Variants in ITIH5 observed in about 807,000 individuals in gnomAD.
The protein encoded by ITIH5 is inter-alpha-trypsin inhibitor heavy chain 5, also known as inter-alpha-trypsin inhibitor heavy chain H5.
ITIH5 carries 65 observed loss-of-function variants against 77.5 expected under a neutral mutation model. That is an observed-to-expected ratio of 0.84 (90% CI 0.69 to 1.03). The LOEUF is 1.03. Among genes scored for constraint, ITIH5 ranks in the 50% least tolerant of loss-of-function variants. The probability of loss-of-function intolerance (pLI) is 0.00; values close to 1 mark genes in which losing one functional copy is unlikely to be tolerated. For missense variants in ITIH5, 1,208 were observed against 1,213.1 expected, an observed-to-expected ratio of 1.00 and a Z score of 0.06; for synonymous variants, 525 against 494.3, an observed-to-expected ratio of 1.06 and a Z score of -0.82.
At chr10:7,634,131 C>T (rs2131068547) in intron 5 of ITIH5, among the ~76,000 whole-genome samples, 1 of 142,092 alleles carries the variant, frequency 7.0e-6, no homozygotes, top group African/African-American at 2.6e-5. Context: ...AGAAAGAAAA[C>T]GGGTCCATGG....
chr10:7,605,424 A>G lies in ITIH5; in HGVS notation c.939+10558T>C, dbSNP rs150999706. Among the ~76,000 whole-genome samples, 943 of 151,746 alleles carry G rather than the reference A, an allele frequency of 6.2e-3. 11 individuals are homozygous for G. Among genetic ancestry groups the G allele is most frequent in the African/African-American group, 0.022 (897 of 41,358 alleles). ...AACTACTGGCCCTTACATATGCCCT[A>G]TTACACAGAGCACTCCCTATATAAT... On this transcript the variant is annotated intron_variant, in intron 7 of 13. Coordinates refer to ENST00000397146, the MANE Select transcript of ITIH5 (RefSeq NM_030569.7).
In ITIH5 at chr10:7,666,821, C is replaced by T. The variant is rs1834370461; in HGVS notation, c.72G>A (p.Trp24Ter). The T allele has an allele frequency of 6.2e-7, 1 of 1,608,768 alleles. No homozygotes were observed. Among genetic ancestry groups the T allele is most frequent in the Non-Finnish European group, 8.5e-7 (1 of 1,178,188 alleles). The change falls in exon 1 of 14, where the codon TGG becomes TGA. Residue 24 changes from tryptophan to a stop codon, truncating the protein, a stop_gained. Coordinates refer to ENST00000397146, the MANE Select transcript of ITIH5 (RefSeq NM_030569.7). LOFTEE classifies it high-confidence loss of function. Reference protein sequence around the residue: ...CVGSQEEAQSWGHSSEQDGLR... With the variant: ...CVGSQEEAQS ...CACTTACCTGCTCCGAAGAGTGGCC[C>T]CAGCTCTGCGCCTCTTCCTGCGACC...
intron 5 of ITIH5, 28 bp from the exon 6 acceptor site, chr10:7,617,310 T>C: frequency 9.3e-7 from 1 of 1,076,436 alleles, no homozygotes; most frequent in Non-Finnish European, 1.2e-6. Flanking sequence ...ACATAATTAA[T>C]AACTTAATAT....
intron 2 of ITIH5, among the ~76,000 whole-genome samples, chr10:7,644,608 T>G (rs1412991103): frequency 1.6e-5 from 2 of 121,424 alleles, no homozygotes; most frequent in Non-Finnish European, 3.4e-5. Flanking sequence ...ACATATCACA[T>G]ATATCACATA....
rs113588776 is a variant in ITIH5 at position 7,659,875 on chromosome 10, A to C, written c.91-4200T>G. The stretch of plus-strand genomic sequence containing the variant: ...TGACATTAATACCATCATCGTTTTT[A>C]GTTAAGAATTCCTGATCCTTTTTAT... On this transcript the variant is annotated intron_variant, in intron 1 of 13. Coordinates refer to ENST00000397146, the MANE Select transcript of ITIH5 (RefSeq NM_030569.7). Among the ~76,000 whole-genome samples the C allele has an allele frequency of 3.9e-3, 592 of 152,282 alleles. 5 individuals are homozygous for C. The highest frequency in any genetic ancestry group is 0.013 in the African/African-American group (534 of 41,562).
At chr10:7,643,969 G>A (rs776690576) in intron 2 of ITIH5, among the ~76,000 whole-genome samples, 27 of 152,290 alleles carry the variant, frequency 1.8e-4, no homozygotes, top group South Asian at 8.3e-4. Context: ...GGCTGGGCGC[G>A]GTGGCTCACA....
intron 6 of ITIH5, 38 bp downstream of exon 6, chr10:7,617,075 A>G: frequency 7.0e-7 from 1 of 1,419,346 alleles, no homozygotes; most frequent in South Asian, 1.6e-5. Context: ...CCAAAGTACC[A>G]ACCAACCAAC....
Position 7,562,954 on chromosome 10 carries a change from A to G in ITIH5, c.*129T>C, listed in dbSNP as rs550778981. ...CAGACAGACGTCGGATCTATGCTGCACCAGGGGTGGGTCATGGAGTCCAGC... is the reference window on the plus strand; with the variant it reads ...CAGACAGACGTCGGATCTATGCTGCGCCAGGGGTGGGTCATGGAGTCCAGC... On this transcript the variant is annotated 3_prime_UTR_variant, in exon 14 of 14. Coordinates refer to ENST00000397146, the MANE Select transcript of ITIH5 (RefSeq NM_030569.7). The G allele has an allele frequency of 7.2e-6, 5 of 693,692 alleles. No homozygotes were observed. The highest frequency in any genetic ancestry group is 1.3e-5 in the Non-Finnish European group (5 of 392,768). 43.0% of individuals were successfully genotyped at this position (693,692 alleles called of 1,614,324 possible). A position where few individuals can be genotyped will look rare whatever the true frequency, so the allele number is the denominator to read the frequency against.
At position 7,566,857 on chromosome 10, in the gene ITIH5, GAA is replaced by G. The variant is rs1349105448; in HGVS notation, c.2150-452_2150-451del. 1.4e-4 allele frequency among the ~76,000 whole-genome samples: 7 copies of G among 49,636 alleles called. 2 individuals carry two copies. The highest frequency in any genetic ancestry group is 1.2e-3 in the Admixed American group (5 of 4,124). 32.6% of individuals were successfully genotyped at this position (49,636 alleles called of 152,430 possible). ...GGAAGAGGAAGAGGAAGAAGAAGAA[GAA>G]GAAGAAGAAGAAGAAGAAGAAGAAG... On this transcript the variant is annotated intron_variant, in intron 12 of 13. Coordinates refer to ENST00000397146, the MANE Select transcript of ITIH5 (RefSeq NM_030569.7).
At chr10:7,655,000 G>A (rs980066463) in intron 2 of ITIH5, among the ~76,000 whole-genome samples, 20 of 152,018 alleles carry the variant, frequency 1.3e-4, no homozygotes, top group African/African-American at 4.6e-4. Context: ...TCCAAACAAA[G>A]ATAGTCATGA....
chr10:7,617,060 T>C (rs1833381543), intron 6 of ITIH5, 53 bp downstream of exon 6: 1 of 1,185,048 alleles, frequency 8.4e-7, no homozygotes, highest in African/African-American at 1.6e-5. Context: ...ACAGTATGAG[T>C]CTGTCCAAAG....
rs186251066 is a variant in ITIH5, at chr10:7,616,720, C to T, written c.822+393G>A. On this transcript the variant is annotated intron_variant, in intron 6 of 13. Transcript: ENST00000397146. ...GTGGGTGCCTGTAATCTCAGCTACT[C>T]GGGAGGCTGAGGCAGGAGAATTGCT... Among the ~76,000 whole-genome samples, 168 of 152,032 alleles carry T rather than the reference C, an allele frequency of 1.1e-3. No homozygotes were observed. In the East Asian group the frequency reaches 0.011, roughly 10 times the overall value.
intron 2 of ITIH5, among the ~76,000 whole-genome samples, chr10:7,649,191 T>G (rs1331757867): frequency 2.7e-5 from 4 of 150,722 alleles, no homozygotes; most frequent in African/African-American, 9.8e-5. Context: ...CCCTTCTCCC[T>G]TCTTTTCATT....
At chr10:7,606,446 T>C (rs1467156714) in intron 7 of ITIH5, among the ~76,000 whole-genome samples, 1 of 152,226 alleles carries the variant, frequency 6.6e-6, no homozygotes, top group East Asian at 1.9e-4. Flanking sequence ...GATCATGTCC[T>C]TTGGAGCAAC....
chr10:7,572,970 G>A (rs1413654325), intron 11 of ITIH5, 172 bp downstream of exon 11: 2 of 570,692 alleles, frequency 3.5e-6, no homozygotes, highest in Non-Finnish European at 6.3e-6. Context: ...TAGAGACGAG[G>A]TTTCACCATG....
At chr10:7,645,013 G>A (rs1372234415) in intron 2 of ITIH5, among the ~76,000 whole-genome samples, 1 of 149,568 alleles carries the variant, frequency 6.7e-6, no homozygotes, top group Admixed American at 6.7e-5. Context: ...AAGACAGGGA[G>A]CTGCAATGGT....
At position 7,614,342 on chromosome 10, in the gene ITIH5, C is replaced by T. The variant is rs550272550; in HGVS notation, c.939+1640G>A. The stretch of plus-strand genomic sequence containing the variant: ...AGGTTATTTTCCCCCTACATTAGTT[C>T]GACATTATATTTGGCTATCCTCTAA... On this transcript the variant is annotated intron_variant, in intron 7 of 13. Coordinates refer to ENST00000397146, the MANE Select transcript of ITIH5 (RefSeq NM_030569.7). Among the ~76,000 whole-genome samples, 7 of 152,312 alleles carry T rather than the reference C, an allele frequency of 4.6e-5. 1 individual carries two copies. The highest frequency in any genetic ancestry group is 4.1e-4 in the South Asian group (2 of 4,824).
At chr10:7,613,267 A>C (rs1000878271) in intron 7 of ITIH5, among the ~76,000 whole-genome samples, 9 of 123,124 alleles carry the variant, frequency 7.3e-5, no homozygotes, top group African/African-American at 2.6e-4. Flanking sequence ...AAAAAAAAAA[A>C]AAAGAACTTG....
intron 2 of ITIH5, among the ~76,000 whole-genome samples, chr10:7,649,094 C>T (rs1834050633): frequency 6.6e-6 from 1 of 152,110 alleles, no homozygotes; most frequent in South Asian, 2.1e-4. Flanking sequence ...TTACCCCTGC[C>T]CTGGTAGATT....
Sources: gnomAD v4.1 joint callset for allele counts (sites outside exome capture counted in the v4.1 genomes callset) on GRCh38, gnomAD v4.1.1 for gene constraint, MANE v1.5 for transcripts, NCBI Gene and HGNC (gene_info 2026-07-23, HGNC 2026-07-21) for gene names.